NRG1: variants seen among roughly 807,000 people sequenced by gnomAD.
The protein encoded by NRG1 is neuregulin 1, also known as pro-neuregulin-1, membrane-bound isoform.
A neutral mutation model predicts 63.8 loss-of-function variants in NRG1; 18 were observed. That is an observed-to-expected ratio of 0.28 (90% CI 0.19 to 0.42). NRG1 has a LOEUF of 0.42. Among genes scored for constraint, NRG1 ranks in the 10% least tolerant of loss-of-function variants. The pLI, the probability that NRG1 is intolerant of heterozygous loss-of-function variation, is 1.00. For missense variants in NRG1, 762 were observed against 814.7 expected, an observed-to-expected ratio of 0.94 and a Z score of 0.79; for synonymous variants, 302 against 301.3, an observed-to-expected ratio of 1.00 and a Z score of -0.02.
chr8:31,795,670 C>T (rs1821132830), intron 1 of NRG1, among the ~76,000 whole-genome samples: 1 of 147,236 alleles, frequency 6.8e-6, no homozygotes, highest in South Asian at 2.2e-4. Context: ...CTAGGTCAGC[C>T]CATTTTTTTT....
chr8:31,934,735 CTCTATCTTTCTA>C (rs1166366963), intron 1 of NRG1, among the ~76,000 whole-genome samples: 1 of 152,046 alleles, frequency 6.6e-6, no homozygotes, highest in Admixed American at 6.6e-5. Context: ...AGGGTCTCAA[CTCTATCTTTCTA>C]TCTATCTACT....
rs1395961401 is a variant in NRG1, at chr8:32,497,070, G to A, written c.38-98758G>A. 2.6e-5 allele frequency among the ~76,000 whole-genome samples: 4 copies of A among 152,202 alleles called. No individual in the cohort carries two copies. In the East Asian group the frequency reaches 5.8e-4, roughly 22 times the overall value. ...TAATTCAAATGTTTCACATCCAAGTGCCCATATACTAATAATTTTTAACTC... is the reference window on the plus strand; with the variant it reads ...TAATTCAAATGTTTCACATCCAAGTACCCATATACTAATAATTTTTAACTC... On this transcript the variant is annotated intron_variant, in intron 1 of 10. Coordinates refer to the NRG1 transcript ENST00000519301.
chr8:32,185,462 C>A (rs1841879028), intron 1 of NRG1, among the ~76,000 whole-genome samples: 1 of 152,124 alleles, frequency 6.6e-6, no homozygotes, highest in Non-Finnish European at 1.5e-5. Context: ...CTATTAGGGG[C>A]TAGACCAAAG....
intron 7 of NRG1, chr8:32,749,794 G>A: frequency 1.7e-6 from 1 of 595,652 alleles, no homozygotes; most frequent in South Asian, 2.1e-5. Flanking sequence ...AGATTCCTAA[G>A]CATCCTTCAC....
chr8:32,762,922 CAG>C (rs1410617194), intron 11 of NRG1, among the ~76,000 whole-genome samples: 2 of 152,154 alleles, frequency 1.3e-5, no homozygotes, highest in Non-Finnish European at 2.9e-5. Flanking sequence ...TAGAAGGTAA[CAG>C]GGTACAGCCA....
intron 1 of NRG1, among the ~76,000 whole-genome samples, chr8:32,088,272 G>A (rs139147618): frequency 2.0e-5 from 3 of 152,106 alleles, no homozygotes; most frequent in East Asian, 1.9e-4. Flanking sequence ...GGGACCTTGC[G>A]TTTAATAATT....
intron 1 of NRG1, among the ~76,000 whole-genome samples, chr8:32,392,033 T>C (rs1291534709): frequency 2.6e-5 from 4 of 152,210 alleles, no homozygotes; most frequent in Non-Finnish European, 5.9e-5. Context: ...GGGCACTTAA[T>C]GCCACAAGTT....
intron 1 of NRG1, among the ~76,000 whole-genome samples, chr8:31,936,679 G>A (rs1800953890): frequency 1.3e-5 from 2 of 152,182 alleles, no homozygotes; most frequent in Non-Finnish European, 1.5e-5. Flanking sequence ...TGAGGCCTGA[G>A]TAATAATGCA....
At chr8:32,289,120 T>C (rs201045758) in intron 1 of NRG1, among the ~76,000 whole-genome samples, 1 of 152,204 alleles carries the variant, frequency 6.6e-6, no homozygotes, top group Non-Finnish European at 1.5e-5. Flanking sequence ...ATCACAAAAA[T>C]TGAGTCTTTC....
chr8:31,771,851 T>C (rs1818656925), intron 1 of NRG1, among the ~76,000 whole-genome samples: 1 of 152,216 alleles, frequency 6.6e-6, no homozygotes, highest in South Asian at 2.1e-4. Context: ...TGAAGGGTAC[T>C]GTTTCAGCAC....
intron 1 of NRG1, among the ~76,000 whole-genome samples, chr8:32,048,318 T>A (rs925686316): frequency 6.7e-6 from 1 of 149,694 alleles, no homozygotes; most frequent in Non-Finnish European, 1.5e-5. Context: ...TATATGTATG[T>A]ATATACATAT....
At chr8:32,190,250 A>G (rs1356737052) in intron 1 of NRG1, among the ~76,000 whole-genome samples, 1 of 151,374 alleles carries the variant, frequency 6.6e-6, no homozygotes, top group African/African-American at 2.4e-5. Context: ...TCCTCTAGAT[A>G]TTTTTTCTGC....
At chr8:32,723,607 T>C (rs1395265208) in intron 5 of NRG1, among the ~76,000 whole-genome samples, 4 of 141,214 alleles carry the variant, frequency 2.8e-5, no homozygotes, top group Non-Finnish European at 6.0e-5. Flanking sequence ...GGAGAATTGC[T>C]TGAACCTGGG....
chr8:32,287,769 G>T (rs1031413173), intron 1 of NRG1, among the ~76,000 whole-genome samples: 1 of 152,174 alleles, frequency 6.6e-6, no homozygotes, highest in South Asian at 2.1e-4. Flanking sequence ...ACCAGACTTG[G>T]TTCCCTTTCA....
At chr8:32,197,310 T>C (rs2132264978) in intron 1 of NRG1, among the ~76,000 whole-genome samples, 1 of 152,228 alleles carries the variant, frequency 6.6e-6, no homozygotes, top group African/African-American at 2.4e-5. Flanking sequence ...TTCTGTGCAT[T>C]CTCTTGTTCA....
At chr8:32,650,134 G>C (rs886487657) in intron 5 of NRG1, among the ~76,000 whole-genome samples, 1 of 152,132 alleles carries the variant, frequency 6.6e-6, no homozygotes, top group Non-Finnish European at 1.5e-5. Context: ...ATGTCAGAAA[G>C]TATGTTGTGA....
Position 31,660,514 on chromosome 8 carries a change from T to C in NRG1, c.37+21083T>C, listed in dbSNP as rs192850641. On this transcript the variant is annotated intron_variant, in intron 1 of 10. Transcript: ENST00000519301. ...TTGCAGAAGAATGTTGCATATATTA[T>C]TCGTTTTGATTTGGAAAAACAATTA... Among the ~76,000 whole-genome samples, 84 of 152,350 alleles carry C rather than the reference T, an allele frequency of 5.5e-4. 2 individuals are homozygous for C. The highest frequency in any genetic ancestry group is 1.8e-3 in the African/African-American group (75 of 41,574).
intron 5 of NRG1, chr8:32,647,054 G>A: frequency 3.0e-6 from 3 of 985,344 alleles, no homozygotes; most frequent in Non-Finnish European, 3.6e-6. Context: ...GGTGGAGGCA[G>A]GGCGGGGAAG....
intron 1 of NRG1, among the ~76,000 whole-genome samples, chr8:31,673,787 A>G (rs1807397568): frequency 6.6e-6 from 1 of 152,328 alleles, no homozygotes; most frequent in South Asian, 2.1e-4. Flanking sequence ...AGGATGGTCT[A>G]TGACTTTCAA....
Sources: gnomAD v4.1 joint callset for allele counts (sites outside exome capture counted in the v4.1 genomes callset) on GRCh38, gnomAD v4.1.1 for gene constraint, MANE v1.5 for transcripts, NCBI Gene and HGNC (gene_info 2026-07-23, HGNC 2026-07-21) for gene names.